The following EPB41L4A variants were observed in gnomAD, a reference collection of about 807,000 sequenced individuals.
EPB41L4A encodes band 4.1-like protein 4A.
A neutral mutation model predicts 108.6 loss-of-function variants in EPB41L4A; 100 were observed. The observed-to-expected ratio is 0.92, with a 90% CI of 0.78 to 1.09. The LOEUF (loss-of-function observed/expected upper bound fraction) is 1.09. Ranked by LOEUF, EPB41L4A falls within the 50% of genes least tolerant of loss-of-function variation. The pLI, the probability that EPB41L4A is intolerant of heterozygous loss-of-function variation, is 0.00. For missense variants in EPB41L4A, 1,030 were observed against 842.7 expected (o/e 1.22, Z -2.75); for synonymous variants, 319 against 289.0 (o/e 1.10, Z -1.05).
intron 2 of EPB41L4A, among the ~76,000 whole-genome samples, chr5:112,304,879 T>A (rs1754588135): frequency 6.6e-6 from 1 of 152,174 alleles, no homozygotes; most frequent in South Asian, 2.1e-4. Flanking sequence ...GATTTCACCA[T>A]TTTTTAGGAG....
intron 9 of EPB41L4A, 45 bp downstream of exon 9, chr5:112,259,184 C>G (rs777411739): frequency 1.1e-5 from 16 of 1,420,538 alleles, no homozygotes; most frequent in Non-Finnish European, 1.3e-5. Context: ...AATGAACACA[C>G]AAGACACCCC....
intron 12 of EPB41L4A, among the ~76,000 whole-genome samples, chr5:112,146,717 T>G (rs971108624): frequency 6.6e-6 from 1 of 151,930 alleles, no homozygotes; most frequent in East Asian, 1.9e-4. Flanking sequence ...AGAAGAAAGG[T>G]CTATTAATAA....
At chr5:112,220,596 C>G (rs1048528580) in intron 12 of EPB41L4A, among the ~76,000 whole-genome samples, 8 of 152,116 alleles carry the variant, frequency 5.3e-5, no homozygotes, top group African/African-American at 1.7e-4. Flanking sequence ...TACCTGTGCC[C>G]AAGTACATCT....
At chr5:112,241,882 A>T (rs1358665634) in intron 9 of EPB41L4A, among the ~76,000 whole-genome samples, 1 of 152,212 alleles carries the variant, frequency 6.6e-6, no homozygotes, top group Non-Finnish European at 1.5e-5. Flanking sequence ...GAGCAGGTAA[A>T]AGTTGCTTAC....
At chr5:112,331,277 T>A (rs1756549351) in intron 1 of EPB41L4A, among the ~76,000 whole-genome samples, 1 of 152,202 alleles carries the variant, frequency 6.6e-6, no homozygotes, top group African/African-American at 2.4e-5. Flanking sequence ...CCTGCTATCA[T>A]TCCAACACAT....
chr5:112,253,128 C>T (rs1750810017), intron 9 of EPB41L4A, among the ~76,000 whole-genome samples: 1 of 152,070 alleles, frequency 6.6e-6, no homozygotes, highest in South Asian at 2.1e-4. Context: ...AAAGTATCTC[C>T]CCACAGACTA....
At chr5:112,262,380 G>A (rs942666820) in intron 7 of EPB41L4A, 114 bp downstream of exon 7, 30 of 811,716 alleles carry the variant, frequency 3.7e-5, no homozygotes, top group Non-Finnish European at 5.5e-5. Context: ...AGATAAAAAA[G>A]TATCATCTGC....
downstream of EPB41L4A, among the ~76,000 whole-genome samples, chr5:112,142,184 A>G (rs749714111): frequency 6.6e-6 from 1 of 152,152 alleles, no homozygotes; most frequent in Non-Finnish European, 1.5e-5. Flanking sequence ...CAACTTAAAT[A>G]ATAGCCACTT....
intron 17 of EPB41L4A, among the ~76,000 whole-genome samples, chr5:112,185,480 G>A (rs1372367369): frequency 6.6e-6 from 1 of 152,190 alleles, no homozygotes; most frequent in East Asian, 1.9e-4. Flanking sequence ...ACAGCACTTT[G>A]TGAGGAAGAA....
intron 4 of EPB41L4A, among the ~76,000 whole-genome samples, chr5:112,274,643 G>C (rs1752498009): frequency 6.6e-6 from 1 of 152,126 alleles, no homozygotes; most frequent in South Asian, 2.1e-4. Flanking sequence ...GTTAAGTTAG[G>C]GAATATACTT....
intron 2 of EPB41L4A, among the ~76,000 whole-genome samples, chr5:112,284,464 C>T (rs17134320): frequency 0.026 from 3,925 of 152,116 alleles, 170 homozygotes; most frequent in African/African-American, 0.09. Flanking sequence ...AGCCCTATCT[C>T]TCATTCCCTC....
At chr5:112,353,415 T>A (rs1758172709) in intron 1 of EPB41L4A, among the ~76,000 whole-genome samples, 1 of 151,942 alleles carries the variant, frequency 6.6e-6, no homozygotes, top group South Asian at 2.1e-4. Context: ...ACATGGACAA[T>A]GGAAGCAGTG....
intron 12 of EPB41L4A, among the ~76,000 whole-genome samples, chr5:112,150,449 T>C (rs1759423873): frequency 6.6e-6 from 1 of 151,908 alleles, no homozygotes; most frequent in Non-Finnish European, 1.5e-5. Context: ...ATTACCTACA[T>C]CTTTGAAAAA....
At chr5:112,185,175 T>C (rs1297875952) in intron 17 of EPB41L4A, among the ~76,000 whole-genome samples, 1 of 151,680 alleles carries the variant, frequency 6.6e-6, no homozygotes, top group East Asian at 1.9e-4. Context: ...AGAAAACTGC[T>C]CCAGAGTGTT....
At chr5:112,345,697 G>A (rs1050847384) in intron 1 of EPB41L4A, among the ~76,000 whole-genome samples, 10 of 151,894 alleles carry the variant, frequency 6.6e-5, no homozygotes, top group African/African-American at 2.4e-4. Context: ...GTACGTGTGT[G>A]TGTTTATGTG....
At chr5:112,190,156 C>A (rs1448508307) in intron 17 of EPB41L4A, among the ~76,000 whole-genome samples, 1 of 152,166 alleles carries the variant, frequency 6.6e-6, no homozygotes, top group Non-Finnish European at 1.5e-5. Context: ...TCAATAGAAT[C>A]AACTGTTTCA....
chr5:112,376,277 T>C (rs1759816148), intron 1 of EPB41L4A, among the ~76,000 whole-genome samples: 2 of 152,216 alleles, frequency 1.3e-5, no homozygotes. Context: ...CATAAAAAGA[T>C]GTTCCACATA....
intron 1 of EPB41L4A, among the ~76,000 whole-genome samples, chr5:112,402,552 A>T (rs1761835095): frequency 6.6e-6 from 1 of 152,156 alleles, no homozygotes; most frequent in East Asian, 1.9e-4. Flanking sequence ...GAATATACAG[A>T]GATTAGCATG....
chr5:112,286,888 T>C (rs1753319618), intron 2 of EPB41L4A, among the ~76,000 whole-genome samples: 1 of 152,098 alleles, frequency 6.6e-6, no homozygotes, highest in African/African-American at 2.4e-5. Context: ...AAAGTTGTTC[T>C]ACATTCTCTC....
Sources: gnomAD v4.1 joint callset for allele counts (sites outside exome capture counted in the v4.1 genomes callset) on GRCh38, gnomAD v4.1.1 for gene constraint, MANE v1.5 for transcripts, NCBI Gene and HGNC (gene_info 2026-07-23, HGNC 2026-07-21) for gene names.